LRP1B: variants seen among roughly 807,000 people sequenced by gnomAD.
The protein encoded by LRP1B is low-density lipoprotein receptor-related protein 1B.
In LRP1B, 217 loss-of-function variants were observed where a neutral mutation model predicts 556.6. The observed-to-expected ratio is 0.39, with a 90% CI of 0.35 to 0.44. The LOEUF (loss-of-function observed/expected upper bound fraction) is 0.44, where lower values mean the gene tolerates loss of function less well. LRP1B is among the 20% of genes least tolerant of loss of function. LRP1B has a pLI of 1.00. For synonymous variants in LRP1B, 2,047 were observed against 1,865.8 expected (o/e 1.10, Z -2.50); for missense variants, 5,053 against 5,620.8 (o/e 0.90, Z 3.23).
At chr2:141,111,817 G>A (rs939874510) in intron 7 of LRP1B, among the ~76,000 whole-genome samples, 6 of 152,000 alleles carry the variant, frequency 3.9e-5, no homozygotes, top group South Asian at 2.1e-4. Context: ...TTGGGAGGCC[G>A]AAGCAGGCGG....
intron 3 of LRP1B, among the ~76,000 whole-genome samples, chr2:141,460,562 T>G (rs972465613): frequency 2.6e-5 from 4 of 152,168 alleles, no homozygotes; most frequent in African/African-American, 7.2e-5. Context: ...TGCTATGTCC[T>G]GATATAATCT....
At chr2:141,920,740 T>G (rs1300204800) in intron 1 of LRP1B, among the ~76,000 whole-genome samples, 1 of 152,064 alleles carries the variant, frequency 6.6e-6, no homozygotes, top group Non-Finnish European at 1.5e-5. Context: ...GTTGCATTAA[T>G]GTATGAATGC....
intron 1 of LRP1B, among the ~76,000 whole-genome samples, chr2:141,897,162 A>G (rs1460500721): frequency 1.3e-5 from 2 of 152,196 alleles, no homozygotes; most frequent in Non-Finnish European, 2.9e-5. Context: ...GAAAAAGTCC[A>G]AAACATTCAG....
intron 42 of LRP1B, among the ~76,000 whole-genome samples, chr2:140,600,767 G>GCTT (rs1682625280): frequency 8.8e-5 from 5 of 56,910 alleles, no homozygotes; most frequent in African/African-American, 3.6e-4. Context: ...GTTCTTCGGG[G>GCTT]TTTTTTTTTT....
At chr2:140,411,168 A>C (rs1235994598) in intron 66 of LRP1B, among the ~76,000 whole-genome samples, 1 of 152,166 alleles carries the variant, frequency 6.6e-6, no homozygotes, top group African/African-American at 2.4e-5. Flanking sequence ...GATAAAAACT[A>C]TTTTGATATA....
chr2:140,313,581 T>C (rs1684397005), intron 83 of LRP1B, among the ~76,000 whole-genome samples: 1 of 151,930 alleles, frequency 6.6e-6, no homozygotes. Flanking sequence ...TATAACACCA[T>C]GGTTTTCATT....
intron 2 of LRP1B, among the ~76,000 whole-genome samples, chr2:141,622,777 T>C (rs1574153352): frequency 6.6e-6 from 1 of 152,192 alleles, no homozygotes; most frequent in South Asian, 2.1e-4. Context: ...CCTCTGATGT[T>C]CTCTAGGTAG....
chr2:140,248,139 A>G (rs1681248287), intron 86 of LRP1B, among the ~76,000 whole-genome samples: 1 of 151,676 alleles, frequency 6.6e-6, no homozygotes, highest in African/African-American at 2.4e-5. Flanking sequence ...GCCAATTTTG[A>G]TATCTGAGGC....
chr2:141,882,000 T>C (rs1459850905), intron 1 of LRP1B, among the ~76,000 whole-genome samples: 4 of 152,126 alleles, frequency 2.6e-5, no homozygotes, highest in Admixed American at 1.3e-4. Flanking sequence ...CAAGTGATCC[T>C]CCTGCCTTAG....
At chr2:140,920,608 T>C (rs1694710780) in intron 21 of LRP1B, among the ~76,000 whole-genome samples, 1 of 152,048 alleles carries the variant, frequency 6.6e-6, no homozygotes, top group Admixed American at 6.6e-5. Flanking sequence ...ATATTTGTGG[T>C]TCATTTTAAT....
At position 142,130,807 on chromosome 2, in the gene LRP1B, G is replaced by GGCGGCAGC; in HGVS notation, c.-79_-78insGCTGCCGC. ...GGCCCGGCGGCGGCGGCGGCGGCAG[G>GGCGGCAGC]GGCCGCTTGGAGCCTGGAATCGAGC... On this transcript the variant is annotated 5_prime_UTR_variant, in exon 1 of 91. Coordinates refer to ENST00000389484, the MANE Select transcript of LRP1B (RefSeq NM_018557.3). The GGCGGCAGC allele has an allele frequency of 3.4e-6, 4 of 1,193,666 alleles. No individual in the cohort carries two copies. Among genetic ancestry groups the GGCGGCAGC allele is most frequent in the South Asian group, 1.3e-5 (1 of 78,056 alleles). The allele number at this position is 1,193,666 out of a possible 1,614,324, so 73.9% of individuals were successfully genotyped here.
At chr2:141,962,619 G>T (rs1036894751) in intron 1 of LRP1B, among the ~76,000 whole-genome samples, 2 of 151,752 alleles carry the variant, frequency 1.3e-5, no homozygotes, top group Non-Finnish European at 2.9e-5. Flanking sequence ...TCAAAAGTAT[G>T]ATAGAAAAGC....
chr2:140,992,029 A>T (rs1294280200), intron 16 of LRP1B, among the ~76,000 whole-genome samples: 1 of 152,108 alleles, frequency 6.6e-6, no homozygotes, highest in Non-Finnish European at 1.5e-5. Flanking sequence ...TCGCTCTGAA[A>T]ATAGTGTGGA....
At chr2:141,473,022 T>G (rs1273386523) in intron 3 of LRP1B, among the ~76,000 whole-genome samples, 1 of 139,076 alleles carries the variant, frequency 7.2e-6, no homozygotes, top group East Asian at 2.0e-4. Flanking sequence ...TAGTCATCCT[T>G]TCCCCAGAGG....
At chr2:141,339,712 A>T (rs138798582) in intron 3 of LRP1B, among the ~76,000 whole-genome samples, 3 of 151,990 alleles carry the variant, frequency 2.0e-5, no homozygotes, top group African/African-American at 7.3e-5. Context: ...ATATTAAAAG[A>T]TTTTCTTTCA....
chr2:141,398,284 A>G (rs1690318503), intron 3 of LRP1B, among the ~76,000 whole-genome samples: 1 of 152,226 alleles, frequency 6.6e-6, no homozygotes, highest in East Asian at 1.9e-4. Context: ...AAGAACTGTC[A>G]AATATTTTCA....
intron 42 of LRP1B, among the ~76,000 whole-genome samples, chr2:140,601,234 T>C (rs943745017): frequency 2.6e-5 from 4 of 152,082 alleles, no homozygotes; most frequent in Admixed American, 1.3e-4. Context: ...AATTTGTTTT[T>C]ACTGGATCTC....
chr2:141,527,370 T>A (rs1397220881), intron 2 of LRP1B, among the ~76,000 whole-genome samples: 1 of 152,040 alleles, frequency 6.6e-6, no homozygotes, highest in African/African-American at 2.4e-5. Flanking sequence ...AAAACATTGT[T>A]TCTGAACTTC....
At chr2:141,790,360 T>C (rs1440889519) in intron 2 of LRP1B, among the ~76,000 whole-genome samples, 1 of 151,704 alleles carries the variant, frequency 6.6e-6, no homozygotes, top group Non-Finnish European at 1.5e-5. Context: ...AATTATATTA[T>C]ATATAATTTT....
Sources: gnomAD v4.1 joint callset for allele counts (sites outside exome capture counted in the v4.1 genomes callset) on GRCh38, gnomAD v4.1.1 for gene constraint, MANE v1.5 for transcripts, NCBI Gene and HGNC (gene_info 2026-07-23, HGNC 2026-07-21) for gene names.